ITIH2: variants seen among roughly 807,000 people sequenced by gnomAD.
ITIH2 encodes the protein inter-alpha-trypsin inhibitor heavy chain 2.
Under a neutral mutation model 104.4 loss-of-function variants are expected in ITIH2, and 103 were observed. That is an observed-to-expected ratio of 0.99 (90% CI 0.84 to 1.16). The LOEUF (loss-of-function observed/expected upper bound fraction) is 1.16, where lower values mean the gene tolerates loss of function less well. Among genes scored for constraint, ITIH2 ranks in the 50% most tolerant of loss-of-function variants. The pLI is 0.00. For missense variants in ITIH2, 1,108 were observed against 1,162.4 expected (o/e 0.95, Z 0.68); for synonymous variants, 436 against 435.4 (o/e 1.00, Z -0.02).
At chr10:7,713,695 T>C (rs1834819076) in intron 5 of ITIH2, among the ~76,000 whole-genome samples, 1 of 152,322 alleles carries the variant, frequency 6.6e-6, no homozygotes, top group South Asian at 2.1e-4. Flanking sequence ...TAAGGGGTTT[T>C]TTTTAATTGT....
chr10:7,743,671 C>G (rs1349844884), intron 17 of ITIH2, among the ~76,000 whole-genome samples: 2 of 152,044 alleles, frequency 1.3e-5, no homozygotes, highest in Non-Finnish European at 2.9e-5. Flanking sequence ...ATCCCAGCTA[C>G]TCAGGAGGCT....
At chr10:7,735,319 T>C (rs1835044230) in intron 15 of ITIH2, among the ~76,000 whole-genome samples, 2 of 152,170 alleles carry the variant, frequency 1.3e-5, no homozygotes, top group African/African-American at 4.8e-5. Flanking sequence ...AAAACCTGCG[T>C]ACCCCTTCCA....
intron 11 of ITIH2, among the ~76,000 whole-genome samples, chr10:7,729,570 G>T: frequency 6.7e-6 from 1 of 148,828 alleles, no homozygotes; most frequent in South Asian, 2.1e-4. Context: ...TATTTACCTT[G>T]TTTTTTTTTT....
In ITIH2 at chr10:7,727,833, G is replaced by C. The variant is rs778103865; in HGVS notation, c.1279+5G>C. 2.0e-5 allele frequency: 32 copies of C among 1,614,062 alleles called. No homozygotes were observed. The highest frequency in any genetic ancestry group is 2.7e-5 in the Non-Finnish European group (32 of 1,179,998). On this transcript the variant is annotated splice_donor_5th_base_variant and intron_variant, in intron 11 of 20. Transcript: ENST00000358415. The stretch of plus-strand genomic sequence containing the variant: ...CTGATGGAGATCCAACAGTGGGCAA[G>C]TGTCACTTCAACCTTCTCACGACAA...
intron 20 of ITIH2, among the ~76,000 whole-genome samples, chr10:7,748,348 C>T (rs912367142): frequency 1.7e-4 from 26 of 148,764 alleles, no homozygotes; most frequent in African/African-American, 6.1e-4. Context: ...TGAGCTGTCC[C>T]GTGGGCTGGG....
At chr10:7,727,253 G>A (rs1834959308) in intron 10 of ITIH2, 135 bp downstream of exon 10, 2 of 695,694 alleles carry the variant, frequency 2.9e-6, no homozygotes, top group South Asian at 4.3e-5. Flanking sequence ...ACATTTATTG[G>A]TAATGGATGA....
chr10:7,718,014 A>G (rs1352573170), intron 6 of ITIH2, among the ~76,000 whole-genome samples: 1 of 152,144 alleles, frequency 6.6e-6, no homozygotes, highest in Non-Finnish European at 1.5e-5. Context: ...GAGGTCTGCT[A>G]TAACAAGTTA....
rs777194749 is a variant in ITIH2, at chr10:7,730,149, G to T, written c.1461+16G>T. The T allele has an allele frequency of 1.8e-5, 28 of 1,565,256 alleles. No individual in the cohort carries two copies. The Admixed American group carries it at 5.3e-4, about 30-fold the overall frequency. Reference sequence around the variant, plus strand: ...CCAGCTTAAGGTAACATTTTCTTCTGTTCTTTTTTTATTCTTCACTGGAAA... The same window carrying T: ...CCAGCTTAAGGTAACATTTTCTTCTTTTCTTTTTTTATTCTTCACTGGAAA... On this transcript the variant is annotated intron_variant, in intron 12 of 20. Transcript: ENST00000358415.
intron 3 of ITIH2, among the ~76,000 whole-genome samples, 181 bp from the exon 4 acceptor site, chr10:7,708,841 G>A (rs756179309): frequency 7.9e-5 from 12 of 152,100 alleles, no homozygotes; most frequent in Non-Finnish European, 1.8e-4. Flanking sequence ...TGCTCATTGC[G>A]GGTTCCAAGA....
chr10:7,716,928 A>G (rs11255305), intron 5 of ITIH2, among the ~76,000 whole-genome samples: 5,506 of 149,330 alleles, frequency 0.037, 307 homozygotes, highest in African/African-American at 0.12. Context: ...TGGGGTCTTG[A>G]GCAGGTCCTC....
rs1217077863 is a variant in ITIH2 at position 7,738,776 on chromosome 10, C to T, written c.2095+18C>T. 6.4e-7 allele frequency: 1 copy of T among 1,569,764 alleles called. No individual in the cohort carries two copies. Among genetic ancestry groups the T allele is most frequent in the Non-Finnish European group, 8.6e-7 (1 of 1,158,124 alleles). On this transcript the variant is annotated intron_variant, in intron 16 of 20. Transcript: ENST00000358415. ...GATGAGAGGTAACGCTTCTACACTGCTTGCACGTCCCAGAACTCAGCCGAC... is the reference window on the plus strand; with the variant it reads ...GATGAGAGGTAACGCTTCTACACTGTTTGCACGTCCCAGAACTCAGCCGAC...
In ITIH2 at chr10:7,746,677, T is replaced by C; in HGVS notation, c.2666T>C (p.Val889Ala). ...GAGAAGCCAGAGGCCAGCATGGAAGTGAAGGGGCAGAAGCTGATCATCACC... is the reference window on the plus strand; with the variant it reads ...GAGAAGCCAGAGGCCAGCATGGAAGCGAAGGGGCAGAAGCTGATCATCACC... ...DPEKPEASMEVKGQKLIITRG... is the reference protein window; with the variant it reads ...DPEKPEASMEAKGQKLIITRG... Residue 889 changes from valine to alanine, a missense_variant, in exon 20 of 21, where the codon GTG becomes GCG. Physicochemically the swap from Val to Ala is moderately conservative, Grantham distance 64. Transcript: ENST00000358415. 1 of 1,612,990 alleles carries C rather than the reference T, an allele frequency of 6.2e-7. No homozygotes were observed. Among genetic ancestry groups the C allele is most frequent in the East Asian group, 2.2e-5 (1 of 44,856 alleles).
Position 7,723,589 on chromosome 10 carries a change from G to A in ITIH2, c.984+22G>A, listed in dbSNP as rs759647013. 2.2e-6 allele frequency: 3 copies of A among 1,378,154 alleles called. No homozygotes were observed. In the East Asian group the frequency reaches 6.8e-5, roughly 31 times the overall value. The allele number at this position is 1,378,154 out of a possible 1,614,324, so 85.4% of individuals were successfully genotyped here. On this transcript the variant is annotated intron_variant, in intron 9 of 20. Transcript: ENST00000358415. Reference sequence around the variant, plus strand: ...ACAAGTAAGTACCCCCTTGTTTGCAGTGGTTGGGGGGATTCCCTATCTTCT... The same window carrying A: ...ACAAGTAAGTACCCCCTTGTTTGCAATGGTTGGGGGGATTCCCTATCTTCT...
At position 7,703,442 on chromosome 10, in the gene ITIH2, G is replaced by A; in HGVS notation, c.8G>A (p.Arg3Lys). The A allele has an allele frequency of 6.2e-7, 1 of 1,613,314 alleles. No homozygotes were observed. Among genetic ancestry groups the A allele is most frequent in the Non-Finnish European group, 8.5e-7 (1 of 1,179,270 alleles). The stretch of plus-strand genomic sequence containing the variant: ...GCAAAACTGTCCAGCAAAATGAAAA[G>A]ACTCACGTGCTTTTTCATCTGCTTC... MK[R>K]LTCFFICFFL... The change falls in exon 1 of 21, where the codon AGA becomes AAA. Residue 3 changes from arginine to lysine, a missense_variant. Arg to Lys is a conservative substitution (Grantham distance 26). Transcript: ENST00000358415.
Position 7,735,035 on chromosome 10 carries a change from C to A in ITIH2, c.1901C>A (p.Ala634Asp). ...PLTSLVIENE[A>D]GDERMLADAP... ...ACCTCGCTGGTGATCGAGAACGAGG[C>A]TGGGGATGAGCGCATGCTGGCGGAT... Residue 634 changes from alanine (A) to aspartate (D), a missense_variant, in exon 15 of 21, where the codon GCT becomes GAT. Physicochemically the swap from Ala to Asp is moderately radical, Grantham distance 126. Coordinates refer to ENST00000358415, the MANE Select transcript of ITIH2 (RefSeq NM_002216.3). 6.2e-7 allele frequency: 1 copy of A among 1,613,370 alleles called. No individual in the cohort carries two copies. The highest frequency in any genetic ancestry group is 8.5e-7 in the Non-Finnish European group (1 of 1,180,032).
intron 3 of ITIH2, among the ~76,000 whole-genome samples, chr10:7,708,534 G>A (rs1342618858): frequency 2.0e-5 from 3 of 152,138 alleles, no homozygotes; most frequent in Non-Finnish European, 4.4e-5. Context: ...ATTAAAGAAG[G>A]TAGAGAGCTG....
chr10:7,712,769 C>G (rs1834808370), intron 4 of ITIH2, among the ~76,000 whole-genome samples: 1 of 152,160 alleles, frequency 6.6e-6, no homozygotes, highest in Non-Finnish European at 1.5e-5. Context: ...GATCATTGCC[C>G]TCATTCATTA....
rs1196885183 is a variant in ITIH2 at position 7,703,352 on chromosome 10, C to A, written c.-83C>A. The A allele has an allele frequency of 2.3e-6, 2 of 880,132 alleles. No individual in the cohort carries two copies. The highest frequency in any genetic ancestry group is 1.8e-5 in the Admixed American group (1 of 56,490). The allele number at this position is 880,132 out of a possible 1,614,324, so 54.5% of individuals were successfully genotyped here. On this transcript the variant is annotated 5_prime_UTR_variant, in exon 1 of 21. Transcript: ENST00000358415. Reference sequence around the variant, plus strand: ...AAGCGAACTGTACTCCTCTGCTGTTCCTTTGAACTTGGTTCAGTAGGAAGA... The same window carrying A: ...AAGCGAACTGTACTCCTCTGCTGTTACTTTGAACTTGGTTCAGTAGGAAGA...
chr10:7,705,206 A>AG, intron 2 of ITIH2, 24 bp downstream of exon 2: 1 of 1,497,204 alleles, frequency 6.7e-7, no homozygotes, highest in Non-Finnish European at 9.2e-7. Context: ...TACTCCCAAA[A>AG]GGGGGAAAAA....
Sources: gnomAD v4.1 joint callset for allele counts (sites outside exome capture counted in the v4.1 genomes callset) on GRCh38, gnomAD v4.1.1 for gene constraint, MANE v1.5 for transcripts, NCBI Gene and HGNC (gene_info 2026-07-23, HGNC 2026-07-21) for gene names.